PDCD4: variants seen among roughly 807,000 people sequenced by gnomAD.
The protein encoded by PDCD4 is programmed cell death 4, also known as programmed cell death protein 4.
PDCD4 carries 56 observed loss-of-function variants against 54.0 expected under a neutral mutation model. The ratio of observed to expected loss-of-function variants is 1.04; its 90% CI spans 0.84 to 1.30. The LOEUF (loss-of-function observed/expected upper bound fraction) is 1.30. Among genes scored for constraint, PDCD4 ranks in the 50% most tolerant of loss-of-function variants. The probability of loss-of-function intolerance (pLI) is 0.00; values close to 1 mark genes in which losing one functional copy is unlikely to be tolerated. For synonymous variants in PDCD4, 186 were observed against 194.8 expected (o/e 0.95, Z 0.37); for missense variants, 584 against 559.8 (o/e 1.04, Z -0.44).
rs1303949547 is a variant in PDCD4, at chr10:110,875,957, A to G, written c.-62-9A>G. On this transcript the variant is annotated splice_polypyrimidine_tract_variant and intron_variant, in intron 1 of 11. Coordinates refer to ENST00000280154, the MANE Select transcript of PDCD4 (RefSeq NM_014456.5). ...CTTGAAGCTTTCTTTTTTTCTTTTA[A>G]AAAAACAGATTCTGAAGGAAGATTT... The G allele has an allele frequency of 7.8e-7, 1 of 1,279,726 alleles. No individual in the cohort carries two copies. The allele number at this position is 1,279,726 out of a possible 1,614,324, so 79.3% of individuals were successfully genotyped here. A position where few individuals can be genotyped will look rare whatever the true frequency, so the allele number is the denominator to read the frequency against.
chr10:110,887,769 T>C lies in PDCD4; in HGVS notation c.660T>C (p.Ser220=), dbSNP rs770396780. Residue 220 remains serine (S), a synonymous_variant, in exon 6 of 12, where the codon TCT becomes TCC. Transcript: ENST00000280154. The part of the protein sequence containing the change: ...EGKASHREMT[S]KLLSDLCGTV... ...AGGCTAGTCATAGAGAGATGACATC[T>C]AAGCTTCTTTCTGACCTTTGTGGGA... is the stretch of plus-strand genomic sequence containing the variant. 9.3e-6 allele frequency: 15 copies of C among 1,612,862 alleles called. No homozygotes were observed. Among genetic ancestry groups the C allele is most frequent in the African/African-American group, 1.3e-5 (1 of 74,898 alleles).
At chr10:110,873,144 T>C (rs375360437) in intron 1 of PDCD4, among the ~76,000 whole-genome samples, 3 of 152,262 alleles carry the variant, frequency 2.0e-5, no homozygotes, top group Admixed American at 6.5e-5. Context: ...TATAGGCTTA[T>C]TGAATACGTT....
chr10:110,896,958 TAC>T (rs1298964522), intron 11 of PDCD4, among the ~76,000 whole-genome samples: 4 of 152,194 alleles, frequency 2.6e-5, no homozygotes, highest in Non-Finnish European at 5.9e-5. Context: ...TGTTTGGAAA[TAC>T]AGACGTTAGC....
intron 5 of PDCD4, 114 bp downstream of exon 5, chr10:110,885,480 T>C: frequency 3.9e-6 from 2 of 508,478 alleles, no homozygotes; most frequent in Non-Finnish European, 7.0e-6. Flanking sequence ...TCATTTTCTT[T>C]TGCATAAGTG....
intron 1 of PDCD4, among the ~76,000 whole-genome samples, chr10:110,874,585 A>G (rs887523826): frequency 1.1e-4 from 17 of 152,120 alleles, no homozygotes; most frequent in South Asian, 2.1e-4. Context: ...AAAGATTCAC[A>G]TATATTAATT....
chr10:110,890,402 T>C (rs1316104997), intron 7 of PDCD4, among the ~76,000 whole-genome samples, 154 bp from the exon 8 acceptor site: 1 of 152,276 alleles, frequency 6.6e-6, no homozygotes, highest in Non-Finnish European at 1.5e-5. Context: ...TTCTTTTTGC[T>C]CCTTTTTGTT....
At chr10:110,878,950 A>G (rs374544234) in intron 2 of PDCD4, among the ~76,000 whole-genome samples, 5 of 152,188 alleles carry the variant, frequency 3.3e-5, no homozygotes, top group Middle Eastern at 3.2e-3. Flanking sequence ...CACTAAGACT[A>G]TAATTACTAC....
chr10:110,877,596 A>G (rs1243476745), intron 2 of PDCD4, among the ~76,000 whole-genome samples: 1 of 152,202 alleles, frequency 6.6e-6, no homozygotes, highest in East Asian at 1.9e-4. Flanking sequence ...AGAAATAGAA[A>G]CACAGCTTTA....
rs747727565 is a variant in PDCD4 at position 110,894,528 on chromosome 10, T to C, written c.1209+6T>C. The C allele has an allele frequency of 2.6e-6, 3 of 1,174,572 alleles. No individual in the cohort carries two copies. Among genetic ancestry groups the C allele is most frequent in the Non-Finnish European group, 3.8e-6 (3 of 792,906 alleles). 72.8% of individuals were successfully genotyped at this position (1,174,572 alleles called of 1,614,324 possible). On this transcript the variant is annotated splice_donor_region_variant and intron_variant, in intron 10 of 11. Transcript: ENST00000280154. ...CTGTAGACCAAATGAAAAGAGTAAG[T>C]ATAACATTGTTTTTGAACAACTTGT...
chr10:110,886,816 A>G (rs1845676093), intron 5 of PDCD4, among the ~76,000 whole-genome samples: 2 of 152,176 alleles, frequency 1.3e-5, no homozygotes, highest in African/African-American at 4.8e-5. Flanking sequence ...TATATTTCTA[A>G]AAGGAAATTT....
At position 110,889,599 on chromosome 10, in the gene PDCD4, T is replaced by TA; in HGVS notation, c.845dup (p.Tyr282Ter). 6.2e-7 allele frequency: 1 copy of TA among 1,604,876 alleles called. No individual in the cohort carries two copies. The highest frequency in any genetic ancestry group is 8.5e-7 in the Non-Finnish European group (1 of 1,171,888). The part of the protein sequence containing the change: ...GILCNTYIDS[Y>*]KGTVDCVQAR... ...TTTATGTAATACCTATATTGATAGT[T>TA]ACAAAGGAACTGTAGATTGTGTGCA... is the stretch of plus-strand genomic sequence containing the variant. Residue 282 changes from tyrosine (Y) to a stop codon, truncating the protein, a stop_gained and frameshift_variant, in exon 7 of 12, where the codon TAC becomes TAAC. Transcript: ENST00000280154. LOFTEE classifies it high-confidence loss of function.
chr10:110,872,894 G>T (rs1845442793), intron 1 of PDCD4, among the ~76,000 whole-genome samples: 1 of 151,954 alleles, frequency 6.6e-6, no homozygotes, highest in Non-Finnish European at 1.5e-5. Flanking sequence ...CGTCAATTTC[G>T]CCCCCCTCCC....
At position 110,885,283 on chromosome 10, in the gene PDCD4, C is replaced by G. The variant is rs200942827; in HGVS notation, c.472C>G (p.Pro158Ala). The change falls in exon 5 of 12, where the codon CCT becomes GCT. Residue 158 changes from proline (P) to alanine (A), a missense_variant. Physicochemically the swap from Pro to Ala is conservative, Grantham distance 27. Coordinates refer to ENST00000280154, the MANE Select transcript of PDCD4 (RefSeq NM_014456.5). ...ENCVYETVVLPLDERAFEKTL... is the reference protein window; with the variant it reads ...ENCVYETVVLALDERAFEKTL... Reference sequence around the variant, plus strand: ...CTGTGTTTATGAAACTGTAGTTTTGCCTTTGGATGAAAGGGCATTTGAGAA... The same window carrying G: ...CTGTGTTTATGAAACTGTAGTTTTGGCTTTGGATGAAAGGGCATTTGAGAA... The G allele has an allele frequency of 5.7e-6, 9 of 1,587,762 alleles. No homozygotes were observed. The highest frequency in any genetic ancestry group is 7.8e-6 in the Non-Finnish European group (9 of 1,159,168).
At chr10:110,882,267 G>T (rs1845603337) in intron 3 of PDCD4, among the ~76,000 whole-genome samples, 1 of 152,030 alleles carries the variant, frequency 6.6e-6, no homozygotes, top group African/African-American at 2.4e-5. Context: ...GGATATACTT[G>T]GTACAAAATA....
At chr10:110,876,447 G>A (rs974914098) in intron 2 of PDCD4, among the ~76,000 whole-genome samples, 3 of 152,120 alleles carry the variant, frequency 2.0e-5, no homozygotes, top group Non-Finnish European at 4.4e-5. Flanking sequence ...TTAAAGTCAA[G>A]TTTGTGATTT....
intron 1 of PDCD4, among the ~76,000 whole-genome samples, chr10:110,875,720 C>T (rs950805460): frequency 6.6e-6 from 1 of 151,632 alleles, no homozygotes; most frequent in Non-Finnish European, 1.5e-5. Flanking sequence ...TAAAGGGGTG[C>T]TTTGGCACAT....
At chr10:110,876,741 T>C (rs1845511655) in intron 2 of PDCD4, 4 of 1,274,538 alleles carry the variant, frequency 3.1e-6, no homozygotes, top group South Asian at 1.8e-5. Flanking sequence ...TTTTGTGGAA[T>C]AGATGACCAA....
chr10:110,898,627 A>G lies in PDCD4; in HGVS notation c.*539A>G, dbSNP rs1416634506. 2.0e-5 allele frequency: 3 copies of G among 152,654 alleles called. No homozygotes were observed. Among genetic ancestry groups the G allele is most frequent in the Non-Finnish European group, 4.4e-5 (3 of 68,038 alleles). 9.5% of individuals were successfully genotyped at this position (152,654 alleles called of 1,614,324 possible). A position where few individuals can be genotyped will look rare whatever the true frequency, so the allele number is the denominator to read the frequency against. On this transcript the variant is annotated 3_prime_UTR_variant, in exon 12 of 12. Transcript: ENST00000280154. Reference sequence around the variant, plus strand: ...CCAGGGAACATACTGATTGGTCTTAAAAGACTAGACAGTTAAGTAAAAGGT... The same window carrying G: ...CCAGGGAACATACTGATTGGTCTTAGAAGACTAGACAGTTAAGTAAAAGGT...
chr10:110,873,186 T>G (rs1845448643), intron 1 of PDCD4, among the ~76,000 whole-genome samples: 1 of 152,212 alleles, frequency 6.6e-6, no homozygotes, highest in Non-Finnish European at 1.5e-5. Flanking sequence ...GAATTATAAT[T>G]GACTGGCTTT....
Sources: allele counts gnomAD v4.1 joint callset (sites outside exome capture counted in the v4.1 genomes callset), GRCh38; gene constraint gnomAD v4.1.1; transcripts MANE v1.5; gene names NCBI Gene and HGNC (gene_info 2026-07-23, HGNC 2026-07-21).